Variants in TMEM178B observed in about 807,000 individuals in gnomAD.
TMEM178B encodes transmembrane protein 178B.
Under a neutral mutation model 31.0 loss-of-function variants are expected in TMEM178B, and 5 were observed. That is an observed-to-expected ratio of 0.16 (90% CI 0.08 to 0.34). TMEM178B has a LOEUF of 0.34. Ranked by LOEUF, TMEM178B falls within the 10% of genes least tolerant of loss-of-function variation. The pLI is 1.00. For missense variants in TMEM178B, 275 were observed against 400.3 expected (o/e 0.69, Z 2.67); for synonymous variants, 164 against 164.0 (o/e 1.00, Z 0.00).
intron 2 of TMEM178B, among the ~76,000 whole-genome samples, chr7:141,425,641 C>T (rs1236394854): frequency 4.6e-5 from 7 of 152,326 alleles, no homozygotes; most frequent in South Asian, 2.1e-4. Flanking sequence ...CTTGGTCTTG[C>T]GACTCTGCCT....
chr7:141,309,354 T>G (rs1798869364), intron 2 of TMEM178B, among the ~76,000 whole-genome samples: 1 of 152,218 alleles, frequency 6.6e-6, no homozygotes, highest in African/African-American at 2.4e-5. Context: ...CTCACTAGTA[T>G]ATTGTTGAAA....
intron 2 of TMEM178B, among the ~76,000 whole-genome samples, chr7:141,264,787 G>A (rs953266087): frequency 2.6e-5 from 4 of 152,156 alleles, no homozygotes; most frequent in East Asian, 1.9e-4. Context: ...TGGAGGTTTT[G>A]TTTTTGTTGT....
the TMEM178B span, among the ~76,000 whole-genome samples, chr7:141,490,124 T>C: frequency 8.5e-5 from 13 of 152,264 alleles, no homozygotes; most frequent in African/African-American, 3.1e-4. Flanking sequence ...GAATCAGCCG[T>C]GGTCTTCCGC....
chr7:141,354,150 G>A (rs1799779904), intron 2 of TMEM178B, among the ~76,000 whole-genome samples: 1 of 152,154 alleles, frequency 6.6e-6, no homozygotes, highest in Admixed American at 6.5e-5. Flanking sequence ...GCCCACTCTT[G>A]GGCTCCACAG....
intron 1 of TMEM178B, among the ~76,000 whole-genome samples, chr7:141,094,517 G>A (rs1028786234): frequency 1.3e-5 from 2 of 152,190 alleles, no homozygotes; most frequent in African/African-American, 4.8e-5. Flanking sequence ...TCTAAGCACT[G>A]GGTGGCTGGT....
chr7:141,260,392 C>T (rs1466502873), intron 2 of TMEM178B, among the ~76,000 whole-genome samples: 7 of 143,030 alleles, frequency 4.9e-5, no homozygotes, highest in South Asian at 2.4e-4. Context: ...TGTCTTCCAT[C>T]AATGTCCAAA....
chr7:141,106,085 C>A (rs199693161), intron 1 of TMEM178B, among the ~76,000 whole-genome samples: 1,082 of 122,570 alleles, frequency 8.8e-3, no homozygotes, highest in East Asian at 0.011. Flanking sequence ...GACCCTGTCT[C>A]AAAAAAAAAA....
the TMEM178B span, among the ~76,000 whole-genome samples, chr7:141,501,924 A>C: frequency 3.5e-3 from 530 of 152,274 alleles, 2 homozygotes; most frequent in African/African-American, 9.8e-3. Flanking sequence ...TAGGCTCCAG[A>C]TGTAAACTCC....
intron 2 of TMEM178B, among the ~76,000 whole-genome samples, chr7:141,352,524 A>G (rs1799749996): frequency 6.6e-6 from 1 of 152,024 alleles, no homozygotes; most frequent in Non-Finnish European, 1.5e-5. Flanking sequence ...GATTACAAGC[A>G]CGCGCCACCA....
Position 141,477,801 on chromosome 7 carries a change from CT to C in TMEM178B, c.*7016del, listed in dbSNP as rs1802401024. On this transcript the variant is annotated 3_prime_UTR_variant, in exon 4 of 4. Coordinates refer to ENST00000565468, the MANE Select transcript of TMEM178B (RefSeq NM_001195278.2). ...ATGGAGGTAAATTAGGAGATGTTTT[CT>C]CTCTGCTACTCCTGGCCTCTGCTTT... 6.6e-6 allele frequency: 1 copy of C among 152,216 alleles called. No individual in the cohort carries two copies. The highest frequency in any genetic ancestry group is 2.4e-5 in the African/African-American group (1 of 41,438). 9.4% of individuals were successfully genotyped at this position (152,216 alleles called of 1,614,324 possible).
In TMEM178B at chr7:141,212,838, A is replaced by G. The variant is rs1586828482; in HGVS notation, c.496+134A>G. 8.8e-5 allele frequency: 61 copies of G among 689,272 alleles called. No homozygotes were observed. In the East Asian group the frequency reaches 1.6e-3, roughly 18 times the overall value. 42.7% of individuals were successfully genotyped at this position (689,272 alleles called of 1,614,324 possible). A position where few individuals can be genotyped will look rare whatever the true frequency, so the allele number is the denominator to read the frequency against. On this transcript the variant is annotated intron_variant, in intron 2 of 3. Transcript: ENST00000565468. Reference sequence around the variant, plus strand: ...ATTGAGATGGTTCCATAAAGTGCCAATATCTTTGGGTTAGAATTGCCTCAG... The same window carrying G: ...ATTGAGATGGTTCCATAAAGTGCCAGTATCTTTGGGTTAGAATTGCCTCAG...
intron 1 of TMEM178B, among the ~76,000 whole-genome samples, chr7:141,153,517 A>G (rs1796013840): frequency 6.6e-6 from 1 of 152,214 alleles, no homozygotes; most frequent in African/African-American, 2.4e-5. Flanking sequence ...ATGTACATTT[A>G]AAAGCTTTTG....
At chr7:141,271,083 C>G (rs1195921974) in intron 2 of TMEM178B, among the ~76,000 whole-genome samples, 2 of 152,208 alleles carry the variant, frequency 1.3e-5, no homozygotes, top group African/African-American at 4.8e-5. Flanking sequence ...AATCGATTGT[C>G]TCCTCCATTT....
At chr7:141,278,716 G>A (rs1798307426) in intron 2 of TMEM178B, among the ~76,000 whole-genome samples, 1 of 152,192 alleles carries the variant, frequency 6.6e-6, no homozygotes, top group Non-Finnish European at 1.5e-5. Context: ...AGCAAACACT[G>A]CTTGAATATA....
At chr7:141,275,449 T>G (rs1211189131) in intron 2 of TMEM178B, among the ~76,000 whole-genome samples, 1 of 152,220 alleles carries the variant, frequency 6.6e-6, no homozygotes, top group Non-Finnish European at 1.5e-5. Flanking sequence ...CCCACTCGTC[T>G]GCAGGAGCTT....
intron 2 of TMEM178B, among the ~76,000 whole-genome samples, chr7:141,249,985 G>T (rs541363349): frequency 6.6e-6 from 1 of 152,130 alleles, no homozygotes; most frequent in Admixed American, 6.5e-5. Context: ...GACCAACATC[G>T]TAGAGATGAA....
At chr7:141,439,809 G>T (rs1460673502) in intron 3 of TMEM178B, among the ~76,000 whole-genome samples, 1 of 152,170 alleles carries the variant, frequency 6.6e-6, no homozygotes, top group Non-Finnish European at 1.5e-5. Flanking sequence ...GGCATTTGAG[G>T]CTCCTTCATG....
At chr7:141,439,730 C>T (rs755036419) in intron 3 of TMEM178B, among the ~76,000 whole-genome samples, 18 of 152,130 alleles carry the variant, frequency 1.2e-4, no homozygotes, top group Non-Finnish European at 2.4e-4. Context: ...GCTGAGCAAA[C>T]GGGCCGCGGG....
At chr7:141,415,514 C>T (rs771728972) in intron 2 of TMEM178B, 4 of 152,616 alleles carry the variant, frequency 2.6e-5, no homozygotes, top group Admixed American at 2.0e-4. Context: ...TTGACTATGC[C>T]GAGCTGCCTG....
Sources: allele counts gnomAD v4.1 joint callset (sites outside exome capture counted in the v4.1 genomes callset), GRCh38; gene constraint gnomAD v4.1.1; transcripts MANE v1.5; gene names NCBI Gene and HGNC (gene_info 2026-07-23, HGNC 2026-07-21).